The following CAMKK2 variants were observed in gnomAD, a reference collection of about 807,000 sequenced individuals.
CAMKK2 encodes calcium/calmodulin dependent protein kinase kinase 2, also known as calcium/calmodulin-dependent protein kinase kinase 2.
A neutral mutation model predicts 67.2 loss-of-function variants in CAMKK2; 30 were observed. That is an observed-to-expected ratio of 0.45 (90% CI 0.33 to 0.61). The LOEUF is 0.61. Among genes scored for constraint, CAMKK2 ranks in the 20% least tolerant of loss-of-function variants. CAMKK2 has a pLI of 0.02. For synonymous variants in CAMKK2, 322 were observed against 326.2 expected, an observed-to-expected ratio of 0.99 and a Z score of 0.14; for missense variants, 643 against 802.0, an observed-to-expected ratio of 0.80 and a Z score of 2.39.
At position 121,262,839 on chromosome 12, in the gene CAMKK2, C is replaced by T. The variant is rs565498851; in HGVS notation, c.759+967G>A. 5.1e-4 allele frequency among the ~76,000 whole-genome samples: 78 copies of T among 152,154 alleles called. 1 individual carries two copies. Among genetic ancestry groups the T allele is most frequent in the African/African-American group, 1.5e-3 (63 of 41,518 alleles). On this transcript the variant is annotated intron_variant, in intron 6 of 16. Coordinates refer to ENST00000404169, the MANE Select transcript of CAMKK2 (RefSeq NM_001270485.2). ...CCTCCCAAAGTGCTGGGATTATAGG[C>T]GTGAGCCATCGTGCCCAGCCTATTG... is the stretch of plus-strand genomic sequence containing the variant.
intron 1 of CAMKK2, among the ~76,000 whole-genome samples, chr12:121,283,750 G>A (rs1898211646): frequency 6.6e-6 from 1 of 152,212 alleles, no homozygotes; most frequent in African/African-American, 2.4e-5. Context: ...AGGAGTTGGA[G>A]GCTGCAGTGA....
In CAMKK2 at chr12:121,248,700, G is replaced by A. The variant is rs200053670; in HGVS notation, c.1358C>T (p.Pro453Leu). Residue 453 changes from proline to leucine, a missense_variant, in exon 14 of 17, where the codon CCG becomes CTG. Around this residue, in one of 3 missense-constraint regions of CAMKK2, gnomAD observed 483 missense variants for 625.8 expected, o/e 0.77. Coordinates refer to ENST00000404169, the MANE Select transcript of CAMKK2 (RefSeq NM_001270485.2). ...HPWVTRHGAEPLPSEDENCTL... is the reference protein window; with the variant it reads ...HPWVTRHGAELLPSEDENCTL... ...GCAGTTCTCATCCTCCGACGGCAACGGCTCCGCCCCATGCCTCGTGACCCA... is the reference window on the plus strand; with the variant it reads ...GCAGTTCTCATCCTCCGACGGCAACAGCTCCGCCCCATGCCTCGTGACCCA... 5.0e-6 allele frequency: 8 copies of A among 1,614,060 alleles called. No individual in the cohort carries two copies. Among genetic ancestry groups the A allele is most frequent in the Admixed American group, 1.7e-5 (1 of 60,010 alleles).
At chr12:121,244,219 T>C in intron 16 of CAMKK2, 2 of 1,429,456 alleles carry the variant, frequency 1.4e-6, no homozygotes, top group African/African-American at 1.4e-5. Flanking sequence ...GTGCTGACCA[T>C]GCGGACTCGG....
intron 6 of CAMKK2, among the ~76,000 whole-genome samples, chr12:121,262,057 T>C (rs138668295): frequency 6.6e-6 from 1 of 152,280 alleles, no homozygotes; most frequent in African/African-American, 2.4e-5. Flanking sequence ...TCTCCACTAG[T>C]CTACAGGGTT....
intron 11 of CAMKK2, among the ~76,000 whole-genome samples, chr12:121,250,688 C>T (rs1193900330): frequency 6.6e-6 from 1 of 152,138 alleles, no homozygotes; most frequent in East Asian, 1.9e-4. Flanking sequence ...TTGTTTAACC[C>T]CTCCCACGGG....
intron 4 of CAMKK2, 115 bp from the exon 5 acceptor site, chr12:121,268,804 G>C: frequency 1.1e-6 from 1 of 937,260 alleles, no homozygotes; most frequent in Non-Finnish European, 1.7e-6. Context: ...CAAGCTCCTG[G>C]CCCCCTGGCA....
chr12:121,297,520 T>G, upstream of CAMKK2: 1 of 483,388 alleles, frequency 2.1e-6, no homozygotes, highest in Non-Finnish European at 4.1e-6. Context: ...CTTCCCATTC[T>G]CCCCTTTTTG....
At position 121,263,727 on chromosome 12, in the gene CAMKK2, C is replaced by T. The variant is rs942507865; in HGVS notation, c.759+79G>A. 1.3e-5 allele frequency: 19 copies of T among 1,432,822 alleles called. No homozygotes were observed. In the African/African-American group the frequency reaches 2.0e-4, roughly 15 times the overall value. The allele number at this position is 1,432,822 out of a possible 1,614,324, so 88.8% of individuals were successfully genotyped here. ...AGCGGTCTGGTGTGACCTGGCTCTC[C>T]CTGGAAACCAGTGGCGGGGTGTTTG... is the stretch of plus-strand genomic sequence containing the variant. On this transcript the variant is annotated intron_variant, in intron 6 of 16. Transcript: ENST00000404169.
Position 121,282,192 on chromosome 12 carries a change from G to A in CAMKK2, c.-59-7607C>T, listed in dbSNP as rs77509527. Among the ~76,000 whole-genome samples the A allele has an allele frequency of 4.9e-3, 745 of 152,202 alleles. 9 individuals carry two copies. Among genetic ancestry groups the A allele is most frequent in the African/African-American group, 0.017 (709 of 41,518 alleles). ...AGAAGGCCCTCTGTGGAAAAGAGGCGGGAGAGTGGAGGCAACAGAAACAAG... is the reference window on the plus strand; with the variant it reads ...AGAAGGCCCTCTGTGGAAAAGAGGCAGGAGAGTGGAGGCAACAGAAACAAG... On this transcript the variant is annotated intron_variant, in intron 1 of 16. Transcript: ENST00000404169.
chr12:121,265,746 T>C (rs1894401017), intron 5 of CAMKK2, among the ~76,000 whole-genome samples: 1 of 151,902 alleles, frequency 6.6e-6, no homozygotes, highest in African/African-American at 2.4e-5. Flanking sequence ...TAGCCCCAGC[T>C]ACTTGGGAGC....
intron 6 of CAMKK2, 120 bp from the exon 7 acceptor site, chr12:121,260,475 T>C (rs1255913532): frequency 1.2e-6 from 1 of 818,264 alleles, no homozygotes; most frequent in African/African-American, 1.7e-5. Flanking sequence ...GAGGGCTGCA[T>C]TTGGCAGCGT....
chr12:121,290,663 C>T (rs1410195393), intron 1 of CAMKK2, among the ~76,000 whole-genome samples: 1 of 152,134 alleles, frequency 6.6e-6, no homozygotes, highest in Non-Finnish European at 1.5e-5. Context: ...GCACTCCAGC[C>T]TGGGCGAGTG....
chr12:121,247,082 A>T (rs1420247005), intron 14 of CAMKK2, among the ~76,000 whole-genome samples: 2 of 150,292 alleles, frequency 1.3e-5, no homozygotes, highest in Non-Finnish European at 3.0e-5. Flanking sequence ...CCCTCCCTCC[A>T]CCTTCCTTGC....
At chr12:121,251,200 GA>G (rs1346185213) in intron 11 of CAMKK2, among the ~76,000 whole-genome samples, 1 of 152,234 alleles carries the variant, frequency 6.6e-6, no homozygotes, top group African/African-American at 2.4e-5. Context: ...CATTTGGAAG[GA>G]AGAGTGGAGA....
intron 9 of CAMKK2, among the ~76,000 whole-genome samples, chr12:121,254,275 T>C (rs921789901): frequency 1.3e-5 from 2 of 151,916 alleles, no homozygotes; most frequent in African/African-American, 2.4e-5. Flanking sequence ...CTGGCCAACA[T>C]AGCGAAACCC....
chr12:121,262,302 G>C (rs11065513), intron 6 of CAMKK2, among the ~76,000 whole-genome samples: 11,716 of 152,070 alleles, frequency 0.077, 635 homozygotes, highest in East Asian at 0.26. Flanking sequence ...CACGAGTTCA[G>C]GAGATCAAGA....
intron 2 of CAMKK2, among the ~76,000 whole-genome samples, chr12:121,273,611 G>A (rs1896186737): frequency 6.6e-6 from 1 of 152,026 alleles, no homozygotes; most frequent in African/African-American, 2.4e-5. Context: ...CCACACCTCA[G>A]TCTCTTTGCT....
At chr12:121,281,776 G>A (rs1239164892) in intron 1 of CAMKK2, among the ~76,000 whole-genome samples, 3 of 152,112 alleles carry the variant, frequency 2.0e-5, no homozygotes, top group Non-Finnish European at 4.4e-5. Context: ...GTGAAACCCC[G>A]TCTCTACTAA....
In CAMKK2 at chr12:121,237,716, A is replaced by G. The variant is rs1555240176; in HGVS notation, c.*2983T>C. 1 of 152,542 alleles carries G rather than the reference A, an allele frequency of 6.6e-6. No individual in the cohort carries two copies. The highest frequency in any genetic ancestry group is 1.5e-5 in the Non-Finnish European group (1 of 68,038). The allele number at this position is 152,542 out of a possible 1,614,324, so 9.4% of individuals were successfully genotyped here. A position where few individuals can be genotyped will look rare whatever the true frequency, so the allele number is the denominator to read the frequency against. On this transcript the variant is annotated 3_prime_UTR_variant, in exon 17 of 17. Transcript: ENST00000404169. The surrounding 1 kb of genome is among the most constrained non-coding windows in gnomAD (Gnocchi z 4.5). Reference sequence around the variant, plus strand: ...CTTGGCACCATTTTGCTGTCTGTTTATTTCAACTGTACAGAGAAGCTTAAA... The same window carrying G: ...CTTGGCACCATTTTGCTGTCTGTTTGTTTCAACTGTACAGAGAAGCTTAAA...
Sources: allele counts gnomAD v4.1 joint callset (sites outside exome capture counted in the v4.1 genomes callset), GRCh38; gene constraint gnomAD v4.1.1; regional missense constraint gnomAD v4.1.1; non-coding constraint Gnocchi (gnomAD v3.1); transcripts MANE v1.5; gene names NCBI Gene and HGNC (gene_info 2026-07-23, HGNC 2026-07-21).